The following GHRH variants were observed in gnomAD, a reference collection of about 807,000 sequenced individuals.
GHRH encodes the protein somatoliberin.
In GHRH, 7 loss-of-function variants were observed where a neutral mutation model predicts 15.6. That is an observed-to-expected ratio of 0.45 (90% CI 0.26 to 0.84). The LOEUF (loss-of-function observed/expected upper bound fraction) is 0.84, where lower values mean the gene tolerates loss of function less well. GHRH is among the 40% of genes least tolerant of loss of function. The probability of loss-of-function intolerance (pLI) is 0.18; values close to 1 mark genes in which losing one functional copy is unlikely to be tolerated. For synonymous variants in GHRH, 54 were observed against 50.4 expected, an observed-to-expected ratio of 1.07 and a Z score of -0.30; for missense variants, 117 against 138.0, an observed-to-expected ratio of 0.85 and a Z score of 0.76.
chr20:37,253,941 G>C (rs1018355553), intron 4 of GHRH, among the ~76,000 whole-genome samples: 7 of 152,206 alleles, frequency 4.6e-5, no homozygotes, highest in Non-Finnish European at 5.9e-5. Flanking sequence ...AATAGAGACA[G>C]GGTTTTGCCA....
chr20:37,254,431 A>G, intron 3 of GHRH, 102 bp from the exon 4 acceptor site: 2 of 1,193,920 alleles, frequency 1.7e-6, no homozygotes, highest in Non-Finnish European at 2.5e-6. Flanking sequence ...GGACTCTTCT[A>G]CCCAACTGAA....
intron 3 of GHRH, among the ~76,000 whole-genome samples, chr20:37,256,019 C>T (rs1247546348): frequency 6.6e-6 from 1 of 152,126 alleles, no homozygotes; most frequent in Non-Finnish European, 1.5e-5. Context: ...GAATGAGACC[C>T]TGTCTCTAAA....
At chr20:37,261,453 GC>G (rs559794089) in intron 1 of GHRH, among the ~76,000 whole-genome samples, 109 of 152,284 alleles carry the variant, frequency 7.2e-4, no homozygotes, top group Middle Eastern at 6.8e-3. Flanking sequence ...CCCGAAGCCT[GC>G]CCACGCATCC....
intron 3 of GHRH, 70 bp downstream of exon 3, chr20:37,256,324 C>G: frequency 2.1e-6 from 2 of 946,420 alleles, no homozygotes; most frequent in South Asian, 3.1e-5. Flanking sequence ...TCCCTGGTCC[C>G]CTGTAGGGAA....
intron 4 of GHRH, among the ~76,000 whole-genome samples, chr20:37,253,462 C>T (rs1488092539): frequency 1.3e-5 from 2 of 152,196 alleles, no homozygotes; most frequent in East Asian, 1.9e-4. Flanking sequence ...GGTCGTATCA[C>T]GGAACCATTT....
intron 3 of GHRH, among the ~76,000 whole-genome samples, chr20:37,255,681 AAAAAAG>A (rs58140352): frequency 0.033 from 4,670 of 143,142 alleles, 265 homozygotes; most frequent in African/African-American, 0.098. Context: ...AAAAAAAAAA[AAAAAAG>A]AGCTATTAAC....
intron 3 of GHRH, 23 bp from the exon 4 acceptor site, chr20:37,254,352 C>G: frequency 6.2e-7 from 1 of 1,613,982 alleles, no homozygotes; most frequent in Non-Finnish European, 8.5e-7. Context: ...AAAAAGAGAA[C>G]TAGTTGCTAT....
chr20:37,251,384 A>G (rs2068620273), intron 4 of GHRH, among the ~76,000 whole-genome samples, 153 bp from the exon 5 acceptor site: 1 of 152,008 alleles, frequency 6.6e-6, no homozygotes, highest in South Asian at 2.1e-4. Context: ...AGGATGCGCA[A>G]GCATGCCAGC....
At chr20:37,257,766 T>C (rs1345235880) in intron 1 of GHRH, among the ~76,000 whole-genome samples, 1 of 152,142 alleles carries the variant, frequency 6.6e-6, no homozygotes, top group Non-Finnish European at 1.5e-5. Flanking sequence ...TCCCCGGCCA[T>C]AAAACCAAGA....
chr20:37,256,401 G>C lies in GHRH; in HGVS notation c.181C>G (p.Gln61Glu). 6.2e-7 allele frequency: 1 copy of C among 1,606,920 alleles called. No homozygotes were observed. The highest frequency in any genetic ancestry group is 8.5e-7 in the Non-Finnish European group (1 of 1,174,506). ...RKLLQDIMSR[Q>E]QGESNQERGA... ...ACTAGAACTCCTGCTTACCCCTGCT[G>C]CCTGCTCATGATGTCCTGGAGCAGC... is the stretch of plus-strand genomic sequence containing the variant. Residue 61 changes from glutamine (Q) to glutamate (E), a missense_variant, in exon 3 of 5, where the codon CAG (glutamine) becomes GAG (glutamate). Transcript: ENST00000373614.
chr20:37,252,110 C>T (rs1220543095), intron 4 of GHRH, among the ~76,000 whole-genome samples: 1 of 152,214 alleles, frequency 6.6e-6, no homozygotes, highest in Non-Finnish European at 1.5e-5. Context: ...ACAGAGGAGG[C>T]CTTCTTCTTA....
At chr20:37,257,641 C>T (rs1244824958) in intron 1 of GHRH, among the ~76,000 whole-genome samples, 1 of 152,146 alleles carries the variant, frequency 6.6e-6, no homozygotes, top group African/African-American at 2.4e-5. Context: ...TGAAAGCAGG[C>T]AGCAAGGGTA....
intron 1 of GHRH, among the ~76,000 whole-genome samples, chr20:37,259,422 C>G (rs997558310): frequency 6.6e-6 from 1 of 152,176 alleles, no homozygotes; most frequent in South Asian, 2.1e-4. Flanking sequence ...GCAAGCAGGG[C>G]CCCTTGACAG....
intron 1 of GHRH, among the ~76,000 whole-genome samples, chr20:37,257,978 G>T (rs946058522): frequency 6.6e-6 from 1 of 152,320 alleles, no homozygotes; most frequent in Non-Finnish European, 1.5e-5. Flanking sequence ...CTTAGATTTT[G>T]CTGAAGAGTT....
Position 37,256,825 on chromosome 20 carries a change from G to T in GHRH, c.65C>A (p.Pro22His). 1 of 1,612,748 alleles carries T rather than the reference G, an allele frequency of 6.2e-7. No homozygotes were observed. The highest frequency in any genetic ancestry group is 1.1e-5 in the South Asian group (1 of 90,776). The stretch of plus-strand genomic sequence containing the variant: ...TGCTTACCTGAGGGTCAAAGGGGGA[G>T]GTGGGGAGCAGTGGGAGCTGTTGCT... ...TLSNSSHCSPPPPLTLRMRRY... is the reference protein window; with the variant it reads ...TLSNSSHCSPHPPLTLRMRRY... The change falls in exon 2 of 5, where the codon CCT becomes CAT. Residue 22 changes from proline (P) to histidine (H), a missense_variant. Physicochemically the swap from Pro to His is moderately conservative, Grantham distance 77. Coordinates refer to ENST00000373614, the MANE Select transcript of GHRH (RefSeq NM_021081.6).
intron 3 of GHRH, 58 bp from the exon 4 acceptor site, chr20:37,254,387 G>A (rs973076247): frequency 3.8e-6 from 6 of 1,583,028 alleles, no homozygotes; most frequent in African/African-American, 1.3e-5. Flanking sequence ...GAAAGGCAGG[G>A]GTATATCCCT....
intron 1 of GHRH, among the ~76,000 whole-genome samples, chr20:37,257,513 CAA>C (rs35910164): frequency 0.022 from 2,317 of 103,530 alleles, 51 homozygotes; most frequent in African/African-American, 0.06. Flanking sequence ...GACCCTGTCT[CAA>C]AAAAAAAAAA....
chr20:37,256,936 G>A (rs940552638), intron 1 of GHRH, 28 bp from the exon 2 acceptor site: 2 of 1,383,524 alleles, frequency 1.4e-6, no homozygotes, highest in Non-Finnish European at 1.0e-6. Flanking sequence ...GGGAAGGTCA[G>A]GTACAGCCAC....
chr20:37,260,339 G>A (rs190136231), intron 1 of GHRH, among the ~76,000 whole-genome samples: 30 of 150,794 alleles, frequency 2.0e-4, no homozygotes, highest in African/African-American at 6.9e-4. Context: ...AAGAATAGAG[G>A]TTATGTCACT....
Sources: allele counts gnomAD v4.1 joint callset (sites outside exome capture counted in the v4.1 genomes callset), GRCh38; gene constraint gnomAD v4.1.1; transcripts MANE v1.5; gene names NCBI Gene and HGNC (gene_info 2026-07-23, HGNC 2026-07-21).